The following COL4A3 variants were observed in gnomAD, a reference collection of about 807,000 sequenced individuals.
The protein encoded by COL4A3 is collagen alpha-3(IV) chain.
In COL4A3, 135 loss-of-function variants were observed where a neutral mutation model predicts 217.4. The observed-to-expected ratio is 0.62, with a 90% CI of 0.54 to 0.72. The LOEUF (loss-of-function observed/expected upper bound fraction) is 0.72. COL4A3 is among the 30% of genes least tolerant of loss of function. COL4A3 has a pLI of 0.00. For synonymous variants in COL4A3, 690 were observed against 736.3 expected, an observed-to-expected ratio of 0.94 and a Z score of 1.02; for missense variants, 1,868 against 2,119.9, an observed-to-expected ratio of 0.88 and a Z score of 2.33.
At position 227,308,909 on chromosome 2, in the gene COL4A3, C is replaced by T; in HGVS notation, c.4473C>T (p.Gly1491=). 1.2e-6 allele frequency: 2 copies of T among 1,613,918 alleles called. No homozygotes were observed. The highest frequency in any genetic ancestry group is 4.5e-5 in the East Asian group (2 of 44,886). ...RAHGQDLGTL[G]SCLQRFTTMP... ...CTGATGTTTCATTAGGAACTCTTGG[C>T]AGCTGCCTGCAGCGATTTACCACAA... is the stretch of plus-strand genomic sequence containing the variant. Residue 1491 remains glycine, a synonymous_variant, in exon 49 of 52, where the codon GGC becomes GGT. Transcript: ENST00000396578.
At chr2:227,286,066 T>C (rs2072302709) in intron 34 of COL4A3, among the ~76,000 whole-genome samples, 1 of 152,184 alleles carries the variant, frequency 6.6e-6, no homozygotes, top group Non-Finnish European at 1.5e-5. Context: ...TAGGCATATG[T>C]AGAAAAAGAT....
chr2:227,202,752 T>C (rs770223841), intron 1 of COL4A3, among the ~76,000 whole-genome samples: 1 of 26,332 alleles, frequency 3.8e-5, no homozygotes, highest in African/African-American at 2.4e-4. Context: ...AAAAAATATA[T>C]ATATATATAT....
intron 1 of COL4A3, among the ~76,000 whole-genome samples, chr2:227,172,225 C>A (rs1050456636): frequency 2.0e-5 from 3 of 152,208 alleles, no homozygotes; most frequent in Non-Finnish European, 2.9e-5. Context: ...CTTTCCCTGG[C>A]ACTGGCTGCA....
rs572916244 is a variant in COL4A3 at position 227,211,628 on chromosome 2, A to G, written c.88-26340A>G. Among the ~76,000 whole-genome samples the G allele has an allele frequency of 9.3e-5, 14 of 150,602 alleles. No individual in the cohort carries two copies. The East Asian group carries it at 1.9e-3, about 21-fold the overall frequency. ...CTGGTTTCTCCTTGCCTTCACTAAC[A>G]TTTGGTGCTGTCAGACTTGATTTTA... On this transcript the variant is annotated intron_variant, in intron 1 of 51. Transcript: ENST00000396578.
At chr2:227,184,319 T>A (rs1309761033) in intron 1 of COL4A3, among the ~76,000 whole-genome samples, 1 of 152,220 alleles carries the variant, frequency 6.6e-6, no homozygotes, top group Non-Finnish European at 1.5e-5. Context: ...TAATTATTGC[T>A]TATCAGCAAA....
chr2:227,177,467 T>C (rs573245681), intron 1 of COL4A3, among the ~76,000 whole-genome samples: 1 of 152,288 alleles, frequency 6.6e-6, no homozygotes, highest in Non-Finnish European at 1.5e-5. Flanking sequence ...TTTTTCTAAA[T>C]ATAATTTTTA....
rs572281561 is a variant in COL4A3 at position 227,309,373 on chromosome 2, A to G, written c.4755+55A>G. 700 of 1,351,938 alleles carry G rather than the reference A, an allele frequency of 5.2e-4. 11 individuals are homozygous for G. In the South Asian group the frequency reaches 8.1e-3, roughly 16 times the overall value. The allele number at this position is 1,351,938 out of a possible 1,614,324, so 83.7% of individuals were successfully genotyped here. ...GTAAAGACTACCTGTAGAATGTTACATTGTGCTGGGTAAAATGTGATTCCC... is the reference window on the plus strand; with the variant it reads ...GTAAAGACTACCTGTAGAATGTTACGTTGTGCTGGGTAAAATGTGATTCCC... On this transcript the variant is annotated intron_variant, in intron 50 of 51. Transcript: ENST00000396578.
Position 227,192,702 on chromosome 2 carries a change from T to C in COL4A3, c.87+27889T>C, listed in dbSNP as rs2066292456. On this transcript the variant is annotated intron_variant, in intron 1 of 51. Coordinates refer to ENST00000396578, the MANE Select transcript of COL4A3 (RefSeq NM_000091.5). ...AAGGGTGGGGAGAAGGTTAGGGGTGTCCTGGAGGGCAGGGAGAGAGGTTTC... is the reference window on the plus strand; with the variant it reads ...AAGGGTGGGGAGAAGGTTAGGGGTGCCCTGGAGGGCAGGGAGAGAGGTTTC... Among the ~76,000 whole-genome samples the C allele has an allele frequency of 3.3e-5, 5 of 152,150 alleles. 1 individual carries two copies. The South Asian group carries it at 6.2e-4, about 19-fold the overall frequency.
intron 44 of COL4A3, 76 bp from the exon 45 acceptor site, chr2:227,303,783 A>G: frequency 7.3e-7 from 1 of 1,370,546 alleles, no homozygotes; most frequent in Non-Finnish European, 1.0e-6. Flanking sequence ...TTGTCCTTAG[A>G]GTCAATCATC....
At chr2:227,190,248 C>T (rs2066181524) in intron 1 of COL4A3, among the ~76,000 whole-genome samples, 1 of 152,204 alleles carries the variant, frequency 6.6e-6, no homozygotes, top group Admixed American at 6.5e-5. Flanking sequence ...GGAGGTAACT[C>T]AAGAGAGTGA....
Position 227,266,510 on chromosome 2 carries a change from GT to G in COL4A3, c.1408+3del. 6.2e-7 allele frequency: 1 copy of G among 1,611,762 alleles called. No individual in the cohort carries two copies. Among genetic ancestry groups the G allele is most frequent in the Non-Finnish European group, 8.5e-7 (1 of 1,178,028 alleles). On this transcript the variant is annotated splice_donor_variant, in intron 22 of 51. Coordinates refer to ENST00000396578, the MANE Select transcript of COL4A3 (RefSeq NM_000091.5). LOFTEE classifies it high-confidence loss of function. ...ATCCCAGGAGTTGATGGGCCCAAAG[GT>G]TGGTTCAATCAATAATGTTGTATTA...
At chr2:227,175,132 G>A (rs111906937) in intron 1 of COL4A3, among the ~76,000 whole-genome samples, 7,533 of 152,168 alleles carry the variant, frequency 0.05, 234 homozygotes, top group Admixed American at 0.086. Context: ...TCTCAGAAGT[G>A]GAGAGAGGCC....
chr2:227,309,032 C>T lies in COL4A3; in HGVS notation c.4596C>T (p.Asn1532=), dbSNP rs2106288483. ...WLSTPALMPM[N]MAPITGRALE... is the part of the protein sequence containing the mutation. ...CAACACCAGCTCTGATGCCAATGAA[C>T]ATGGCTCCCATTACTGGCAGAGCCC... is the stretch of plus-strand genomic sequence containing the variant. The change falls in exon 49 of 52, where the codon AAC becomes AAT. Residue 1532 remains asparagine, a synonymous_variant. Transcript: ENST00000396578. The T allele has an allele frequency of 6.2e-7, 1 of 1,614,210 alleles. No homozygotes were observed.
chr2:227,178,294 A>G (rs543894606), intron 1 of COL4A3, among the ~76,000 whole-genome samples: 1 of 152,162 alleles, frequency 6.6e-6, no homozygotes, highest in African/African-American at 2.4e-5. Flanking sequence ...AGGTGGGAGG[A>G]TCGCTTGAGC....
In COL4A3 at chr2:227,276,001, C is replaced by T. The variant is rs185113572; in HGVS notation, c.1928-384C>T. ...TCATTTAATTTTACATAAACACATT[C>T]TTTGAGGCTGAAGCAAATCTGATTT... On this transcript the variant is annotated intron_variant, in intron 26 of 51. Transcript: ENST00000396578. Among the ~76,000 whole-genome samples, 35 of 151,984 alleles carry T rather than the reference C, an allele frequency of 2.3e-4. No individual in the cohort carries two copies. The East Asian group carries it at 6.6e-3, about 28-fold the overall frequency.
At chr2:227,217,972 A>G (rs1001659023) in intron 1 of COL4A3, among the ~76,000 whole-genome samples, 1 of 146,652 alleles carries the variant, frequency 6.8e-6, no homozygotes, top group Non-Finnish European at 1.5e-5. Context: ...TTGCTTTAAG[A>G]GTCAGATTCA....
chr2:227,275,942 G>GAA (rs55999568), intron 26 of COL4A3, among the ~76,000 whole-genome samples: 4 of 149,578 alleles, frequency 2.7e-5, no homozygotes, highest in Non-Finnish European at 1.5e-5. Context: ...TTCCCTTTTA[G>GAA]AAAAAAAAAA....
chr2:227,294,735 A>T (rs2072947528), intron 39 of COL4A3, among the ~76,000 whole-genome samples, 165 bp downstream of exon 39: 2 of 152,170 alleles, frequency 1.3e-5, no homozygotes, highest in African/African-American at 2.4e-5. Flanking sequence ...TATCTATTTA[A>T]TTCAAATATT....
intron 1 of COL4A3, among the ~76,000 whole-genome samples, chr2:227,227,244 A>G (rs962468149): frequency 6.6e-5 from 10 of 152,156 alleles, no homozygotes; most frequent in African/African-American, 2.4e-4. Context: ...TGATAGGGTG[A>G]GAGGGGGAGA....
Sources: allele counts gnomAD v4.1 joint callset (sites outside exome capture counted in the v4.1 genomes callset), GRCh38; gene constraint gnomAD v4.1.1; transcripts MANE v1.5; gene names NCBI Gene and HGNC (gene_info 2026-07-23, HGNC 2026-07-21).